ARFGEF3: variants seen among roughly 807,000 people sequenced by gnomAD.
ARFGEF3 encodes the protein ARFGEF family member 3, also known as brefeldin A-inhibited guanine nucleotide-exchange protein 3.
Under a neutral mutation model 221.7 loss-of-function variants are expected in ARFGEF3, and 96 were observed. That is an observed-to-expected ratio of 0.43 (90% CI 0.37 to 0.51). The LOEUF (loss-of-function observed/expected upper bound fraction) is 0.51. Ranked by LOEUF, ARFGEF3 falls within the 20% of genes least tolerant of loss-of-function variation. ARFGEF3 has a pLI of 0.00. For synonymous variants in ARFGEF3, 1,145 were observed against 1,126.8 expected (o/e 1.02, Z -0.32); for missense variants, 2,410 against 2,789.9 (o/e 0.86, Z 3.07).
chr6:138,313,684 C>G, intron 25 of ARFGEF3, 111 bp from the exon 26 acceptor site: 1 of 845,236 alleles, frequency 1.2e-6, no homozygotes, highest in South Asian at 1.8e-5. Flanking sequence ...TTTTCAATGT[C>G]TAGTTTCCCA....
Position 138,291,938 on chromosome 6 carries a change from C to G in ARFGEF3, c.3253C>G (p.Gln1085Glu), listed in dbSNP as rs751218609. ...TAPVVQPLSI[Q>E]DLVREGSRGR... is the part of the protein sequence containing the mutation. ...CCCTGTCGTCCAGCCCCTGTCCATC[C>G]AGGACCTCGTCCGGGAAGGCAGCCG... Residue 1085 changes from glutamine to glutamate, a missense_variant, in exon 19 of 34, where the codon CAG (glutamine) becomes GAG (glutamate). Around this residue, in one of 5 missense-constraint regions of ARFGEF3, gnomAD observed 184 missense variants for 141.8 expected, o/e 1.30. Transcript: ENST00000251691. This position sits in a 1 kb window ranked among gnomAD's most constrained non-coding sequence, Gnocchi z 4.5. The G allele has an allele frequency of 2.4e-5, 37 of 1,521,502 alleles. No individual in the cohort carries two copies. Among genetic ancestry groups the G allele is most frequent in the Middle Eastern group, 1.7e-4 (1 of 5,828 alleles). 94.3% of individuals were successfully genotyped at this position (1,521,502 alleles called of 1,614,324 possible). A position where few individuals can be genotyped will look rare whatever the true frequency, so the allele number is the denominator to read the frequency against.
rs184135598 is a variant in ARFGEF3 at position 138,308,889 on chromosome 6, G to A, written c.4096+28G>A. ...AAGCAGAACCCTTCTCTCATGCCTT[G>A]TAACTGCTGAGGACCCTTTCCAGGG... On this transcript the variant is annotated intron_variant, in intron 24 of 33. Transcript: ENST00000251691. 4 of 1,613,656 alleles carry A rather than the reference G, an allele frequency of 2.5e-6. No individual in the cohort carries two copies. The African/African-American group carries it at 4.0e-5, about 16-fold the overall frequency.
intron 22 of ARFGEF3, among the ~76,000 whole-genome samples, chr6:138,301,144 G>T (rs1277334178): frequency 6.6e-6 from 1 of 152,184 alleles, no homozygotes; most frequent in East Asian, 1.9e-4. Context: ...AGCAGCTTTG[G>T]CTATGGTAAC....
Position 138,308,763 on chromosome 6 carries a change from A to T in ARFGEF3, c.3998A>T (p.Asp1333Val). ...GGAAAAGGCCAAGCTCCAGTGTTTG[A>T]TGTATTTGAAGCTTTTCTCAATACT... ...SMGKGQAPVF[D>V]VFEAFLNTDN... is the part of the protein sequence containing the mutation. Residue 1333 changes from aspartate (D) to valine (V), a missense_variant, in exon 24 of 34, where the codon GAT (aspartate) becomes GTT (valine). Asp to Val is a radical substitution (Grantham distance 152, BLOSUM62 -3). Coordinates refer to ENST00000251691, the MANE Select transcript of ARFGEF3 (RefSeq NM_020340.5). 1 of 1,613,872 alleles carries T rather than the reference A, an allele frequency of 6.2e-7. No homozygotes were observed. The highest frequency in any genetic ancestry group is 1.1e-5 in the South Asian group (1 of 91,080).
At chr6:138,248,956 G>A (rs1177279096) in intron 8 of ARFGEF3, among the ~76,000 whole-genome samples, 1 of 152,226 alleles carries the variant, frequency 6.6e-6, no homozygotes, top group East Asian at 1.9e-4. Context: ...AGTAGGTCCA[G>A]TGAATGCCTG....
intron 5 of ARFGEF3, among the ~76,000 whole-genome samples, chr6:138,235,562 G>GCACA (rs1320340763): frequency 1.3e-5 from 2 of 152,210 alleles, no homozygotes; most frequent in Non-Finnish European, 1.5e-5. Context: ...TCTCTTAGCT[G>GCACA]CTATGATTCA....
chr6:138,170,335 A>G (rs1380074361), intron 1 of ARFGEF3, among the ~76,000 whole-genome samples: 1 of 152,172 alleles, frequency 6.6e-6, no homozygotes, highest in African/African-American at 2.4e-5. Context: ...GCTTTTCTTT[A>G]TTTTTATTAC....
chr6:138,231,042 G>C (rs962812484), intron 5 of ARFGEF3, among the ~76,000 whole-genome samples: 1 of 152,164 alleles, frequency 6.6e-6, no homozygotes, highest in Non-Finnish European at 1.5e-5. Context: ...TGATGGAACT[G>C]GGGGGAAGGG....
At chr6:138,224,015 G>A (rs906766439) in intron 4 of ARFGEF3, among the ~76,000 whole-genome samples, 4 of 152,350 alleles carry the variant, frequency 2.6e-5, no homozygotes, top group Admixed American at 6.5e-5. Context: ...TTTGTTGAGT[G>A]AATGAATAGG....
chr6:138,237,436 C>T (rs755915613), intron 5 of ARFGEF3, among the ~76,000 whole-genome samples: 2 of 152,164 alleles, frequency 1.3e-5, no homozygotes, highest in Non-Finnish European at 2.9e-5. Context: ...TCGTGCCCAT[C>T]CTGTAGCTTC....
chr6:138,198,550 C>T (rs1045341987), intron 2 of ARFGEF3, among the ~76,000 whole-genome samples: 2 of 152,130 alleles, frequency 1.3e-5, no homozygotes, highest in South Asian at 2.1e-4. Context: ...ATGTAAAGGA[C>T]CCATATTCAT....
chr6:138,323,801 G>A (rs888843095), intron 30 of ARFGEF3, 28 bp downstream of exon 30: 36 of 1,607,968 alleles, frequency 2.2e-5, no homozygotes, highest in Non-Finnish European at 3.0e-5. Context: ...AGCCCTCCCT[G>A]GCACAGTTCT....
intron 2 of ARFGEF3, among the ~76,000 whole-genome samples, chr6:138,184,202 G>A (rs773123057): frequency 2.6e-5 from 4 of 152,102 alleles, no homozygotes; most frequent in Non-Finnish European, 5.9e-5. Flanking sequence ...CCCATTTGAT[G>A]TTAATATAAA....
chr6:138,165,833 C>T (rs1282335517), intron 1 of ARFGEF3, among the ~76,000 whole-genome samples: 1 of 152,238 alleles, frequency 6.6e-6, no homozygotes, highest in Non-Finnish European at 1.5e-5. Context: ...AGGTGATCAT[C>T]ACCATATTTA....
chr6:138,162,098 C>G lies in ARFGEF3; in HGVS notation c.12C>G (p.Ile4Met), dbSNP rs1440958039. Residue 4 changes from isoleucine to methionine, a missense_variant, in exon 1 of 34, where the codon ATC becomes ATG. Physicochemically the swap from Ile to Met is conservative, Grantham distance 10. Transcript: ENST00000251691. This position sits in a 1 kb window ranked among gnomAD's most constrained non-coding sequence, Gnocchi z 4.7. MEE[I>M]LRKLQKEASG... ...CCTGGAAGGTCAAGATGGAAGAAAT[C>G]CTGAGGAAGCTGCAGAAGGAGGCGT... 1 of 1,600,794 alleles carries G rather than the reference C, an allele frequency of 6.2e-7. No homozygotes were observed. Among genetic ancestry groups the G allele is most frequent in the Non-Finnish European group, 8.5e-7 (1 of 1,173,410 alleles).
chr6:138,253,228 T>A (rs1778610538), intron 8 of ARFGEF3, among the ~76,000 whole-genome samples: 1 of 152,148 alleles, frequency 6.6e-6, no homozygotes, highest in African/African-American at 2.4e-5. Context: ...CAATGTAAGA[T>A]TTAACAATAG....
intron 13 of ARFGEF3, 54 bp from the exon 14 acceptor site, chr6:138,279,945 C>T: frequency 6.4e-7 from 1 of 1,573,792 alleles, no homozygotes; most frequent in Non-Finnish European, 8.7e-7. Context: ...CACTTAGGAG[C>T]CTGTTAGTGA....
intron 5 of ARFGEF3, among the ~76,000 whole-genome samples, chr6:138,236,648 G>T (rs556313983): frequency 2.0e-5 from 3 of 152,184 alleles, no homozygotes; most frequent in African/African-American, 7.2e-5. Context: ...TGTATTTTTT[G>T]TAGAGATGGG....
rs752188862 is a variant in ARFGEF3, at chr6:138,286,702, C to A, written c.2571C>A (p.Gly857=). Residue 857 remains glycine, a splice_region_variant and synonymous_variant, in exon 16 of 34, where the codon GGC becomes GGA. Transcript: ENST00000251691. ...GACACACACCCCTCCATGTTCCAGGCGTGGCATTTGCTCGCTATATTCTGG... is the reference window on the plus strand; with the variant it reads ...GACACACACCCCTCCATGTTCCAGGAGTGGCATTTGCTCGCTATATTCTGG... ...SRRIDDSTVA[G]VAFARYILVG... is the part of the protein sequence containing the mutation. The A allele has an allele frequency of 1.4e-4, 220 of 1,613,708 alleles. No individual in the cohort carries two copies. The highest frequency in any genetic ancestry group is 1.8e-4 in the Non-Finnish European group (211 of 1,179,762).
Sources: gnomAD v4.1 joint callset for allele counts (sites outside exome capture counted in the v4.1 genomes callset) on GRCh38, gnomAD v4.1.1 for gene constraint, gnomAD v4.1.1 regional missense constraint, Gnocchi (gnomAD v3.1) non-coding constraint, MANE v1.5 for transcripts, NCBI Gene and HGNC (gene_info 2026-07-23, HGNC 2026-07-21) for gene names.